Variants in UBE2Z observed in about 807,000 individuals in gnomAD.
UBE2Z encodes the protein ubiquitin conjugating enzyme E2 Z.
UBE2Z carries 10 observed loss-of-function variants against 32.6 expected under a neutral mutation model. The ratio of observed to expected loss-of-function variants is 0.31; its 90% CI spans 0.19 to 0.52. The LOEUF is 0.52. UBE2Z is among the 20% of genes least tolerant of loss of function. The pLI is 0.97. For missense variants in UBE2Z, 343 were observed against 480.9 expected, an observed-to-expected ratio of 0.71 and a Z score of 2.68; for synonymous variants, 183 against 190.8, an observed-to-expected ratio of 0.96 and a Z score of 0.34.
At chr17:48,921,700 G>A (rs2040759831) in intron 5 of UBE2Z, among the ~76,000 whole-genome samples, 1 of 152,198 alleles carries the variant, frequency 6.6e-6, no homozygotes, top group Non-Finnish European at 1.5e-5. Context: ...AAAAGCAATG[G>A]AGGTGGAGCA....
At chr17:48,918,077 C>T (rs559285089) in intron 4 of UBE2Z, among the ~76,000 whole-genome samples, 12 of 152,092 alleles carry the variant, frequency 7.9e-5, no homozygotes, top group South Asian at 4.1e-4. Flanking sequence ...GCTGGGATTA[C>T]GGGCACGCAC....
chr17:48,916,201 G>A lies in UBE2Z; in HGVS notation c.690+14G>A. ...GGCTTTGAACAGGTAAGGCCAGATG[G>A]GCCTGGCTCTGGGGTGTAGACTATT... On this transcript the variant is annotated intron_variant, in intron 4 of 6. Coordinates refer to ENST00000360943, the MANE Select transcript of UBE2Z (RefSeq NM_023079.5). 1 of 1,494,644 alleles carries A rather than the reference G, an allele frequency of 6.7e-7. No homozygotes were observed. Among genetic ancestry groups the A allele is most frequent in the Non-Finnish European group, 9.0e-7 (1 of 1,115,552 alleles). 92.6% of individuals were successfully genotyped at this position (1,494,644 alleles called of 1,614,324 possible).
chr17:48,917,870 C>T (rs777920090), intron 4 of UBE2Z, among the ~76,000 whole-genome samples: 1 of 152,076 alleles, frequency 6.6e-6, no homozygotes, highest in Non-Finnish European at 1.5e-5. Context: ...CTCATGAGCA[C>T]GGGAAAAAGT....
chr17:48,923,997 A>G (rs2040780890), intron 6 of UBE2Z, among the ~76,000 whole-genome samples: 1 of 152,182 alleles, frequency 6.6e-6, no homozygotes, highest in Admixed American at 6.6e-5. Flanking sequence ...TTGGGATTAC[A>G]GGCATACGCC....
At chr17:48,925,980 A>G (rs2040795255) in intron 6 of UBE2Z, among the ~76,000 whole-genome samples, 1 of 152,216 alleles carries the variant, frequency 6.6e-6, no homozygotes, top group Non-Finnish European at 1.5e-5. Context: ...CTAAGTCCCT[A>G]TATAGTATTT....
Position 48,922,850 on chromosome 17 carries a change from G to C in UBE2Z, c.807G>C (p.Gly269=), listed in dbSNP as rs2040770152. Reference sequence around the variant, plus strand: ...CACTTTTCTGCTTGTTTTCCAGAGGGGTGATGGAGAAGTCCTTTCTGGAGT... The same window carrying C: ...CACTTTTCTGCTTGTTTTCCAGAGGCGTGATGGAGAAGTCCTTTCTGGAGT... ...GKCPCPEPLR[G]VMEKSFLEYY... Residue 269 remains glycine, a synonymous_variant, in exon 6 of 7, where the codon GGG becomes GGC. Transcript: ENST00000360943. The C allele has an allele frequency of 1.2e-6, 2 of 1,611,264 alleles. No individual in the cohort carries two copies. Among genetic ancestry groups the C allele is most frequent in the Non-Finnish European group, 1.7e-6 (2 of 1,177,906 alleles).
At chr17:48,910,912 T>G (rs910786589) in intron 2 of UBE2Z, 32 bp downstream of exon 2, 1 of 1,560,390 alleles carries the variant, frequency 6.4e-7, no homozygotes, top group Admixed American at 1.7e-5. Context: ...TGGGGGGTTT[T>G]GGGAAATTGG....
At chr17:48,915,222 A>G (rs1349494457) in intron 3 of UBE2Z, among the ~76,000 whole-genome samples, 1 of 152,158 alleles carries the variant, frequency 6.6e-6, no homozygotes. Flanking sequence ...CTGAAAAGAT[A>G]GAGGCACTTA....
chr17:48,915,199 T>TG lies in UBE2Z; in HGVS notation c.579-872dup, dbSNP rs767896501. Among the ~76,000 whole-genome samples, 74 of 152,214 alleles carry TG rather than the reference T, an allele frequency of 4.9e-4. 1 individual carries two copies. The Middle Eastern group carries it at 0.01, about 21-fold the overall frequency. On this transcript the variant is annotated intron_variant, in intron 3 of 6. Coordinates refer to ENST00000360943, the MANE Select transcript of UBE2Z (RefSeq NM_023079.5). ...CAGAGAGCAGTAGGTCTAGAGTTCCTGGGGGAGCAAAGCTGAAAAGATAGA... is the reference window on the plus strand; with the variant it reads ...CAGAGAGCAGTAGGTCTAGAGTTCCTGGGGGGAGCAAAGCTGAAAAGATAGA...
intron 6 of UBE2Z, among the ~76,000 whole-genome samples, chr17:48,925,007 G>A (rs2040788208): frequency 1.3e-5 from 2 of 151,920 alleles, no homozygotes. Context: ...GTGGGGCCTG[G>A]CGCAATGGCT....
chr17:48,922,688 A>G (rs2040768791), intron 5 of UBE2Z, among the ~76,000 whole-genome samples, 159 bp from the exon 6 acceptor site: 1 of 151,912 alleles, frequency 6.6e-6, no homozygotes, highest in Admixed American at 6.6e-5. Context: ...AATTGCATGA[A>G]TCCGGGAGGC....
intron 3 of UBE2Z, among the ~76,000 whole-genome samples, chr17:48,914,977 C>T (rs572442696): frequency 3.9e-5 from 6 of 152,190 alleles, no homozygotes; most frequent in East Asian, 1.9e-4. Flanking sequence ...GCCAAGATCA[C>T]GCCACTGCAC....
chr17:48,921,277 G>A lies in UBE2Z; in HGVS notation c.803+5G>A, dbSNP rs903044537. ...TCCCTGTCCTGAACCCCTACGGTATGTGTCAAGCGGGCTTGCTTGGTATTC... is the reference window on the plus strand; with the variant it reads ...TCCCTGTCCTGAACCCCTACGGTATATGTCAAGCGGGCTTGCTTGGTATTC... On this transcript the variant is annotated splice_donor_5th_base_variant and intron_variant, in intron 5 of 6. Transcript: ENST00000360943. The A allele has an allele frequency of 5.0e-6, 8 of 1,604,984 alleles. No individual in the cohort carries two copies. Among genetic ancestry groups the A allele is most frequent in the Non-Finnish European group, 6.8e-6 (8 of 1,175,322 alleles).
rs1476737877 is a variant in UBE2Z at position 48,908,747 on chromosome 17, C to G, written c.244C>G (p.His82Asp). 1 of 1,494,946 alleles carries G rather than the reference C, an allele frequency of 6.7e-7. No individual in the cohort carries two copies. The highest frequency in any genetic ancestry group is 1.5e-5 in the African/African-American group (1 of 68,936). The allele number at this position is 1,494,946 out of a possible 1,614,324, so 92.6% of individuals were successfully genotyped here. A position where few individuals can be genotyped will look rare whatever the true frequency, so the allele number is the denominator to read the frequency against. The stretch of plus-strand genomic sequence containing the variant: ...TGCCCACGGGGCCGCGCTGCTTAGC[C>G]ACTGGGACCCCACGCTCAGCTCCGA... ...AAAHGAALLS[H>D]WDPTLSSDWD... Residue 82 changes from histidine (H) to aspartate (D), a missense_variant, in exon 1 of 7, where the codon CAC becomes GAC. His to Asp is a moderately conservative substitution (Grantham distance 81, BLOSUM62 -1). Coordinates refer to ENST00000360943, the MANE Select transcript of UBE2Z (RefSeq NM_023079.5).
intron 4 of UBE2Z, among the ~76,000 whole-genome samples, chr17:48,920,441 G>A (rs942823799): frequency 6.6e-6 from 1 of 151,880 alleles, no homozygotes; most frequent in African/African-American, 2.4e-5. Flanking sequence ...AGGTTGCAGT[G>A]AGCTGAGATC....
intron 6 of UBE2Z, among the ~76,000 whole-genome samples, chr17:48,925,416 T>C (rs1198540334): frequency 6.6e-6 from 1 of 152,174 alleles, no homozygotes. Context: ...GGAGATGACT[T>C]ATGCCCTCCA....
At chr17:48,919,926 T>C (rs1279852126) in intron 4 of UBE2Z, among the ~76,000 whole-genome samples, 2 of 152,086 alleles carry the variant, frequency 1.3e-5, no homozygotes, top group East Asian at 3.8e-4. Flanking sequence ...TACCTTTTTG[T>C]CCCACCATCA....
At chr17:48,919,568 C>T (rs1197840727) in intron 4 of UBE2Z, among the ~76,000 whole-genome samples, 1 of 152,216 alleles carries the variant, frequency 6.6e-6, no homozygotes, top group Non-Finnish European at 1.5e-5. Flanking sequence ...CCTCGAACTC[C>T]TGGGCTTTAG....
intron 3 of UBE2Z, among the ~76,000 whole-genome samples, chr17:48,914,837 C>T (rs1183977672): frequency 2.0e-5 from 3 of 152,042 alleles, no homozygotes; most frequent in African/African-American, 7.2e-5. Flanking sequence ...CCAGCCTAGC[C>T]TGGCGAAACC....
Sources: gnomAD v4.1 joint callset for allele counts (sites outside exome capture counted in the v4.1 genomes callset) on GRCh38, gnomAD v4.1.1 for gene constraint, MANE v1.5 for transcripts, NCBI Gene and HGNC (gene_info 2026-07-23, HGNC 2026-07-21) for gene names.